MYO6: variants seen among roughly 807,000 people sequenced by gnomAD.
MYO6 encodes the protein myosin VI.
MYO6 carries 74 observed loss-of-function variants against 178.7 expected under a neutral mutation model. The ratio of observed to expected loss-of-function variants is 0.41; its 90% CI spans 0.34 to 0.50. The LOEUF is 0.50. Ranked by LOEUF, MYO6 falls within the 20% of genes least tolerant of loss-of-function variation. The pLI, the probability that MYO6 is intolerant of heterozygous loss-of-function variation, is 0.09. For synonymous variants in MYO6, 477 were observed against 504.6 expected (o/e 0.95, Z 0.73); for missense variants, 1,330 against 1,547.4 (o/e 0.86, Z 2.36).
At chr6:75,810,809 A>G (rs1485728957) in intron 1 of MYO6, among the ~76,000 whole-genome samples, 2 of 152,198 alleles carry the variant, frequency 1.3e-5, no homozygotes, top group Non-Finnish European at 2.9e-5. Context: ...CTAGTTGAGG[A>G]GAGGCCTCAG....
chr6:75,848,464 CT>C lies in MYO6; in HGVS notation c.1013del (p.Phe338SerfsTer3). On this transcript the variant is annotated frameshift_variant, in exon 11 of 35. Transcript: ENST00000369977. LOFTEE classifies it high-confidence loss of function. ...GLDDEEKLDL[F>X]RVVAGVLHLG... ...TGGATGATGAAGAAAAGCTTGATCT[CT>C]TCCGGGTAGTAGCTGGCGTCCTGCA... 1.2e-6 allele frequency: 2 copies of C among 1,613,898 alleles called. No individual in the cohort carries two copies. The highest frequency in any genetic ancestry group is 1.7e-6 in the Non-Finnish European group (2 of 1,179,848).
chr6:75,814,295 G>A (rs1770991481), intron 1 of MYO6, among the ~76,000 whole-genome samples: 1 of 152,134 alleles, frequency 6.6e-6, no homozygotes, highest in Non-Finnish European at 1.5e-5. Context: ...AGAGGGTGGT[G>A]CTGAGAGTTG....
intron 3 of MYO6, among the ~76,000 whole-genome samples, chr6:75,825,278 A>G (rs2150194351): frequency 6.6e-6 from 1 of 152,308 alleles, no homozygotes; most frequent in Admixed American, 6.5e-5. Flanking sequence ...AGATGTTGAT[A>G]ATAATAAAGT....
At chr6:75,835,565 G>T (rs1159535913) in intron 6 of MYO6, among the ~76,000 whole-genome samples, 1 of 152,092 alleles carries the variant, frequency 6.6e-6, no homozygotes, top group Non-Finnish European at 1.5e-5. Context: ...CTGAGTAGCT[G>T]GGATGACAGG....
At chr6:75,898,292 T>G (rs1418700132) in intron 29 of MYO6, 81 bp from the exon 30 acceptor site, 3 of 906,870 alleles carry the variant, frequency 3.3e-6, no homozygotes, top group Non-Finnish European at 5.1e-6. Flanking sequence ...ATATATATTT[T>G]AATTATACTT....
At chr6:75,845,897 G>T (rs1365133027) in intron 10 of MYO6, among the ~76,000 whole-genome samples, 4 of 151,436 alleles carry the variant, frequency 2.6e-5, no homozygotes, top group Non-Finnish European at 5.9e-5. Context: ...TGAGGCAGGA[G>T]AATCGCTTGA....
At chr6:75,806,983 G>A (rs1436836822) in intron 1 of MYO6, among the ~76,000 whole-genome samples, 2 of 152,094 alleles carry the variant, frequency 1.3e-5, no homozygotes, top group Admixed American at 6.5e-5. Context: ...GCTGGTCTCA[G>A]CACAGATAAA....
intron 13 of MYO6, among the ~76,000 whole-genome samples, chr6:75,857,679 C>T (rs1184966433): frequency 1.3e-5 from 2 of 152,130 alleles, no homozygotes; most frequent in East Asian, 1.9e-4. Flanking sequence ...ACAGGCCAAC[C>T]TCATTACTAT....
chr6:75,815,749 C>T (rs1017092347), intron 1 of MYO6, among the ~76,000 whole-genome samples: 1 of 152,208 alleles, frequency 6.6e-6, no homozygotes, highest in Non-Finnish European at 1.5e-5. Context: ...GTATGCCAAA[C>T]GTCCTTGACT....
At chr6:75,822,463 T>C (rs551522510) in intron 2 of MYO6, among the ~76,000 whole-genome samples, 152 of 152,308 alleles carry the variant, frequency 1.0e-3, no homozygotes, top group African/African-American at 3.5e-3. Context: ...TTTAAAAAAA[T>C]TTGTTAAATA....
At chr6:75,769,745 G>A (rs1301038148) in intron 1 of MYO6, among the ~76,000 whole-genome samples, 2 of 151,920 alleles carry the variant, frequency 1.3e-5, no homozygotes, top group Non-Finnish European at 2.9e-5. Flanking sequence ...CTAAAAATAC[G>A]AAAAATTAGC....
intron 20 of MYO6, among the ~76,000 whole-genome samples, chr6:75,874,568 G>A (rs1777418116): frequency 6.6e-6 from 1 of 152,204 alleles, no homozygotes; most frequent in African/African-American, 2.4e-5. Flanking sequence ...TGAGAAAGTA[G>A]GGGTTGCCTC....
intron 19 of MYO6, among the ~76,000 whole-genome samples, chr6:75,871,849 G>T (rs767055953): frequency 7.2e-5 from 11 of 152,240 alleles, no homozygotes; most frequent in Non-Finnish European, 1.5e-4. Context: ...TGTGGGCCGG[G>T]TGCCATGGCT....
At chr6:75,786,878 A>G (rs1220672745) in intron 1 of MYO6, among the ~76,000 whole-genome samples, 1 of 152,174 alleles carries the variant, frequency 6.6e-6, no homozygotes, top group African/African-American at 2.4e-5. Context: ...TCATTATCTC[A>G]TCTGACCATA....
chr6:75,914,629 G>A (rs1456410821), intron 34 of MYO6, among the ~76,000 whole-genome samples, 184 bp from the exon 35 acceptor site: 1 of 152,094 alleles, frequency 6.6e-6, no homozygotes, highest in African/African-American at 2.4e-5. Flanking sequence ...ATATTGAAAG[G>A]GTCCTTGATG....
intron 26 of MYO6, among the ~76,000 whole-genome samples, chr6:75,890,501 C>T (rs530071532): frequency 1.8e-4 from 28 of 152,168 alleles, no homozygotes; most frequent in South Asian, 6.2e-4. Flanking sequence ...CGCACCACCA[C>T]GCCTGGCTAA....
rs536678683 is a variant in MYO6, at chr6:75,917,734, G to A, written c.*2722G>A. On this transcript the variant is annotated 3_prime_UTR_variant, in exon 35 of 35. Transcript: ENST00000369977. Reference sequence around the variant, plus strand: ...AGAACATCTTAAGTGGAAAATCAGTGGTGGTTGTGAACACTTAGAGAATAG... The same window carrying A: ...AGAACATCTTAAGTGGAAAATCAGTAGTGGTTGTGAACACTTAGAGAATAG... The A allele has an allele frequency of 6.5e-6, 1 of 152,708 alleles. No homozygotes were observed. Among genetic ancestry groups the A allele is most frequent in the South Asian group, 2.1e-4 (1 of 4,822 alleles). 9.5% of individuals were successfully genotyped at this position (152,708 alleles called of 1,614,324 possible).
chr6:75,775,954 T>TGGAATA (rs1285875786), intron 1 of MYO6, among the ~76,000 whole-genome samples: 4 of 152,200 alleles, frequency 2.6e-5, no homozygotes, highest in South Asian at 2.1e-4. Context: ...TAGCGTATCA[T>TGGAATA]TTCTTTAAGA....
At chr6:75,772,291 A>G (rs532954767) in intron 1 of MYO6, among the ~76,000 whole-genome samples, 2 of 152,074 alleles carry the variant, frequency 1.3e-5, no homozygotes, top group Admixed American at 6.6e-5. Context: ...TAGGTAGGCC[A>G]TTTGATCATT....
Sources: gnomAD v4.1 joint callset for allele counts (sites outside exome capture counted in the v4.1 genomes callset) on GRCh38, gnomAD v4.1.1 for gene constraint, MANE v1.5 for transcripts, NCBI Gene and HGNC (gene_info 2026-07-23, HGNC 2026-07-21) for gene names.